ADAMTS19: variants seen among roughly 807,000 people sequenced by gnomAD.
The protein encoded by ADAMTS19 is A disintegrin and metalloproteinase with thrombospondin motifs 19.
A neutral mutation model predicts 153.3 loss-of-function variants in ADAMTS19; 93 were observed. That is an observed-to-expected ratio of 0.61 (90% CI 0.51 to 0.72). The LOEUF (loss-of-function observed/expected upper bound fraction) is 0.72. Ranked by LOEUF, ADAMTS19 falls within the 30% of genes least tolerant of loss-of-function variation. The pLI is 0.00. For synonymous variants in ADAMTS19, 600 were observed against 556.6 expected, an observed-to-expected ratio of 1.08 and a Z score of -1.10; for missense variants, 1,482 against 1,552.1, an observed-to-expected ratio of 0.95 and a Z score of 0.76.
intron 3 of ADAMTS19, among the ~76,000 whole-genome samples, chr5:129,514,945 C>A (rs758256294): frequency 6.6e-6 from 1 of 151,984 alleles, no homozygotes; most frequent in East Asian, 1.9e-4. Context: ...ATCTTTAATC[C>A]ATTTTGATTT....
intron 17 of ADAMTS19, among the ~76,000 whole-genome samples, chr5:129,682,159 AG>A (rs1395434716): frequency 6.6e-6 from 1 of 152,206 alleles, no homozygotes; most frequent in African/African-American, 2.4e-5. Context: ...TTTTCCTGGA[AG>A]CATGAAGCAT....
chr5:129,576,117 A>G (rs1263642407), intron 7 of ADAMTS19, among the ~76,000 whole-genome samples: 1 of 151,928 alleles, frequency 6.6e-6, no homozygotes, highest in Non-Finnish European at 1.5e-5. Flanking sequence ...ATAAAACAAT[A>G]ACAGCAGAAA....
intron 3 of ADAMTS19, among the ~76,000 whole-genome samples, chr5:129,523,054 C>CAA (rs55963617): frequency 5.1e-4 from 54 of 105,276 alleles, no homozygotes; most frequent in Admixed American, 1.3e-3. Context: ...GACTCCATCT[C>CAA]AAAAAAAAAA....
At chr5:129,506,994 G>A (rs760871894) in intron 2 of ADAMTS19, among the ~76,000 whole-genome samples, 1 of 151,974 alleles carries the variant, frequency 6.6e-6, no homozygotes, top group Non-Finnish European at 1.5e-5. Context: ...ACAGCTAGCA[G>A]TAAGTTATGA....
At chr5:129,468,516 G>A (rs914069962) in intron 2 of ADAMTS19, among the ~76,000 whole-genome samples, 8 of 151,884 alleles carry the variant, frequency 5.3e-5, no homozygotes, top group Non-Finnish European at 7.4e-5. Context: ...ACCACGCCCA[G>A]CTAATTTTTG....
chr5:129,641,782 C>A (rs916161432), intron 10 of ADAMTS19, 77 bp from the exon 11 acceptor site: 6 of 839,400 alleles, frequency 7.1e-6, no homozygotes, highest in Non-Finnish European at 1.1e-5. Context: ...ATCAAAATAG[C>A]TTTCTTAACA....
intron 2 of ADAMTS19, among the ~76,000 whole-genome samples, chr5:129,503,843 T>C (rs549846406): frequency 1.3e-5 from 2 of 152,066 alleles, no homozygotes; most frequent in Admixed American, 1.3e-4. Context: ...AAAAAGAACC[T>C]TACATAGAAG....
At chr5:129,684,493 C>A (rs1017135479) in intron 18 of ADAMTS19, among the ~76,000 whole-genome samples, 5 of 67,264 alleles carry the variant, frequency 7.4e-5, no homozygotes, top group African/African-American at 2.2e-4. Context: ...AATATGACTA[C>A]TCTTTGCATT....
intron 6 of ADAMTS19, among the ~76,000 whole-genome samples, chr5:129,536,907 T>A (rs1313390887): frequency 1.6e-5 from 2 of 128,260 alleles, no homozygotes; most frequent in Non-Finnish European, 3.3e-5. Flanking sequence ...TGGGGACTGT[T>A]GTGGGGTGGC....
chr5:129,596,841 C>T (rs1345131218), intron 8 of ADAMTS19, among the ~76,000 whole-genome samples, 177 bp downstream of exon 8: 1 of 152,124 alleles, frequency 6.6e-6, no homozygotes, highest in African/African-American at 2.4e-5. Context: ...AGTGTTGCAA[C>T]TATTCCTGCT....
intron 8 of ADAMTS19, among the ~76,000 whole-genome samples, chr5:129,603,054 A>C (rs1226609432): frequency 6.6e-6 from 1 of 152,164 alleles, no homozygotes; most frequent in Non-Finnish European, 1.5e-5. Flanking sequence ...GACGTGAAAA[A>C]AAAAAGCTGA....
At chr5:129,597,003 A>C (rs866857353) in intron 8 of ADAMTS19, among the ~76,000 whole-genome samples, 1 of 152,214 alleles carries the variant, frequency 6.6e-6, no homozygotes, top group Admixed American at 6.5e-5. Context: ...CGCTTAGTAC[A>C]AATGAAAGTA....
Position 129,461,633 on chromosome 5 carries a change from G to A in ADAMTS19, c.623G>A (p.Gly208Asp), listed in dbSNP as rs551516367. The change falls in exon 2 of 23, where the codon GGC becomes GAC. Residue 208 changes from glycine (G) to aspartate (D), a missense_variant. Transcript: ENST00000274487. The surrounding 1 kb of genome is among the most constrained non-coding windows in gnomAD (Gnocchi z 4.6). ...GAACAGCGGCCAAATCCCGGCCCCGGCCCCACGGGGGCAGCATCCGCCCCG... is the reference window on the plus strand; with the variant it reads ...GAACAGCGGCCAAATCCCGGCCCCGACCCCACGGGGGCAGCATCCGCCCCG... Reference protein sequence around the residue: ...AVEQRPNPGPGPTGAASAPQP... With the variant: ...AVEQRPNPGPDPTGAASAPQP... 2.3e-4 allele frequency: 366 copies of A among 1,594,220 alleles called. 2 individuals carry two copies. In the South Asian group the frequency reaches 3.9e-3, roughly 17 times the overall value.
At chr5:129,715,306 A>G (rs1756675549) in intron 21 of ADAMTS19, among the ~76,000 whole-genome samples, 1 of 152,148 alleles carries the variant, frequency 6.6e-6, no homozygotes, top group Admixed American at 6.5e-5. Context: ...ATTGAGAATG[A>G]TTGATATTAT....
chr5:129,665,881 C>CATATAT (rs3979171), intron 16 of ADAMTS19, among the ~76,000 whole-genome samples: 2,388 of 143,630 alleles, frequency 0.017, 66 homozygotes, highest in African/African-American at 0.056. Flanking sequence ...GATTTATATT[C>CATATAT]ATATATATAT....
chr5:129,475,511 C>T (rs1188353461), intron 2 of ADAMTS19, among the ~76,000 whole-genome samples: 1 of 152,094 alleles, frequency 6.6e-6, no homozygotes, highest in Non-Finnish European at 1.5e-5. Context: ...AAATTTAAGT[C>T]CTTTAATTTT....
intron 8 of ADAMTS19, among the ~76,000 whole-genome samples, chr5:129,612,010 C>A (rs1257186845): frequency 6.6e-6 from 1 of 151,740 alleles, no homozygotes; most frequent in African/African-American, 2.4e-5. Flanking sequence ...TTTTAGGGTA[C>A]ATGTGCACAA....
intron 18 of ADAMTS19, among the ~76,000 whole-genome samples, chr5:129,687,664 A>G (rs1755153304): frequency 6.6e-6 from 1 of 152,162 alleles, no homozygotes; most frequent in Non-Finnish European, 1.5e-5. Context: ...GTGACTTCCC[A>G]AGGTTGCATG....
chr5:129,613,048 A>T (rs1055344270), intron 8 of ADAMTS19, among the ~76,000 whole-genome samples: 28 of 152,166 alleles, frequency 1.8e-4, no homozygotes, highest in African/African-American at 6.5e-4. Context: ...AAGTCCTTAG[A>T]GACCTACAAA....
Sources: allele counts gnomAD v4.1 joint callset (sites outside exome capture counted in the v4.1 genomes callset), GRCh38; gene constraint gnomAD v4.1.1; non-coding constraint Gnocchi (gnomAD v3.1); transcripts MANE v1.5; gene names NCBI Gene and HGNC (gene_info 2026-07-23, HGNC 2026-07-21).